Variants in ABCC9 observed in about 807,000 individuals in gnomAD.
The protein encoded by ABCC9 is ATP-binding cassette sub-family C member 9.
ABCC9 carries 95 observed loss-of-function variants against 188.3 expected under a neutral mutation model. That is an observed-to-expected ratio of 0.50 (90% CI 0.43 to 0.60). ABCC9 has a LOEUF of 0.60. ABCC9 is among the 20% of genes least tolerant of loss of function. The pLI is 0.00. For synonymous variants in ABCC9, 659 were observed against 652.7 expected (o/e 1.01, Z -0.15); for missense variants, 1,102 against 1,876.3 (o/e 0.59, Z 7.62).
chr12:21,876,014 T>G (rs967531854), intron 16 of ABCC9, among the ~76,000 whole-genome samples: 2 of 152,106 alleles, frequency 1.3e-5, no homozygotes, highest in Non-Finnish European at 2.9e-5. Flanking sequence ...ATCGCGCCAC[T>G]GCACTCCAGC....
At chr12:21,892,581 A>G (rs1187623896) in intron 14 of ABCC9, among the ~76,000 whole-genome samples, 2 of 152,218 alleles carry the variant, frequency 1.3e-5, no homozygotes, top group African/African-American at 4.8e-5. Flanking sequence ...GCAGAACAAT[A>G]AGAAAATGAG....
intron 20 of ABCC9, among the ~76,000 whole-genome samples, chr12:21,861,848 G>A (rs746108725): frequency 9.2e-5 from 14 of 152,220 alleles, no homozygotes; most frequent in South Asian, 4.1e-4. Context: ...GTGAGTGGGC[G>A]CCCTTCCACA....
At chr12:21,802,664 A>C (rs2137088964) in intron 39 of ABCC9, among the ~76,000 whole-genome samples, 1 of 152,320 alleles carries the variant, frequency 6.6e-6, no homozygotes, top group East Asian at 1.9e-4. Flanking sequence ...AGGGGCTACC[A>C]TACGGAACCT....
chr12:21,845,787 A>G lies in ABCC9; in HGVS notation c.2912T>C (p.Met971Thr). ...CCATGGCATTTTAGTCCTGAGCCTC[A>G]TTACAGTGGACATGTTATCATCCTC... ...EDEDDNMSTV[M>T]RLRTKMPWKT... Residue 971 changes from methionine to threonine, a missense_variant, in exon 26 of 40, where the codon ATG (methionine) becomes ACG (threonine). Transcript: ENST00000261200. 6.2e-7 allele frequency: 1 copy of G among 1,613,850 alleles called. No homozygotes were observed. The highest frequency in any genetic ancestry group is 8.5e-7 in the Non-Finnish European group (1 of 1,179,838).
chr12:21,915,514 A>ATATATATATATTTTTTTTTTTTT, intron 7 of ABCC9, among the ~76,000 whole-genome samples, 154 bp downstream of exon 7: 82 of 3,522 alleles, frequency 0.023, 25 homozygotes, highest in East Asian at 0.042. Flanking sequence ...ATATATATAT[A>ATATATATATATTTTTTTTTTTTT]TTTTTTTTTT....
At chr12:21,895,166 A>T in intron 13 of ABCC9, 109 bp downstream of exon 13, 1 of 925,354 alleles carries the variant, frequency 1.1e-6, no homozygotes, top group East Asian at 2.5e-5. Flanking sequence ...CCATAGAGAG[A>T]AGTCACAGAG....
intron 3 of ABCC9, 112 bp downstream of exon 3, chr12:21,936,421 A>T: frequency 1.1e-6 from 1 of 928,910 alleles, no homozygotes; most frequent in Non-Finnish European, 1.6e-6. Context: ...TTCGTTTCTC[A>T]CAGCCATCAG....
In ABCC9 at chr12:21,861,047, G is replaced by C; in HGVS notation, c.2348C>G (p.Ala783Gly). ...GSPFNKQRYK[A>G]VTDACSLQPD... Reference sequence around the variant, plus strand: ...CTGAAGAGAACAGGCATCTGTGACAGCTTTGTACCTTTGGGAGAAATGATT... The same window carrying C: ...CTGAAGAGAACAGGCATCTGTGACACCTTTGTACCTTTGGGAGAAATGATT... The change falls in exon 21 of 40, where the codon GCT becomes GGT. Residue 783 changes from alanine to glycine, a missense_variant. By Grantham distance (60) the Ala-to-Gly change is moderately conservative. This residue lies in a region of ABCC9 where 258 missense variants were observed against 325.6 expected (regional missense o/e 0.79). Transcript: ENST00000261200. 1 of 1,613,150 alleles carries C rather than the reference G, an allele frequency of 6.2e-7. No homozygotes were observed. The highest frequency in any genetic ancestry group is 1.7e-4 in the Middle Eastern group (1 of 6,056).
At chr12:21,837,266 T>C (rs990785715) in intron 30 of ABCC9, among the ~76,000 whole-genome samples, 1 of 152,198 alleles carries the variant, frequency 6.6e-6, no homozygotes, top group African/African-American at 2.4e-5. Flanking sequence ...TGCTTCATGA[T>C]GCCGCCTACA....
intron 2 of ABCC9, among the ~76,000 whole-genome samples, chr12:21,938,362 A>G (rs1478907975): frequency 6.6e-6 from 1 of 152,132 alleles, no homozygotes; most frequent in Non-Finnish European, 1.5e-5. Flanking sequence ...ACACTGGGTA[A>G]ATTCTAACAA....
At chr12:21,846,747 A>G (rs1427957629) in intron 25 of ABCC9, among the ~76,000 whole-genome samples, 1 of 152,088 alleles carries the variant, frequency 6.6e-6, no homozygotes, top group African/African-American at 2.4e-5. Context: ...AATTCGCATG[A>G]TCAAAGAGGT....
chr12:21,849,213 A>G (rs1231499627), intron 24 of ABCC9, among the ~76,000 whole-genome samples: 1 of 152,138 alleles, frequency 6.6e-6, no homozygotes, highest in Non-Finnish European at 1.5e-5. Context: ...TTTCTGTTAC[A>G]TCAAAAAACC....
chr12:21,844,656 C>G, intron 27 of ABCC9, 104 bp from the exon 28 acceptor site: 1 of 1,559,540 alleles, frequency 6.4e-7, no homozygotes, highest in Non-Finnish European at 8.8e-7. Flanking sequence ...GCTCCCTATT[C>G]ATTTGCTCAA....
At chr12:21,874,913 G>C (rs1194566541) in intron 17 of ABCC9, among the ~76,000 whole-genome samples, 2 of 151,326 alleles carry the variant, frequency 1.3e-5, no homozygotes, top group African/African-American at 4.9e-5. Context: ...AAGGGAAAAT[G>C]GGAAATTGTT....
intron 35 of ABCC9, among the ~76,000 whole-genome samples, chr12:21,813,837 A>C (rs932643374): frequency 2.0e-5 from 3 of 151,836 alleles, no homozygotes; most frequent in African/African-American, 7.3e-5. Flanking sequence ...GTGTAGATTA[A>C]ATTCAATAAT....
chr12:21,862,734 A>G (rs781446489), intron 20 of ABCC9, among the ~76,000 whole-genome samples: 2 of 152,118 alleles, frequency 1.3e-5, no homozygotes, highest in Non-Finnish European at 2.9e-5. Context: ...GTTTTGGTGT[A>G]CAAATTGTTC....
At chr12:21,874,597 C>T (rs1946248796) in intron 17 of ABCC9, among the ~76,000 whole-genome samples, 1 of 152,086 alleles carries the variant, frequency 6.6e-6, no homozygotes, top group Non-Finnish European at 1.5e-5. Flanking sequence ...AGCCAAGATA[C>T]TGAAACAACC....
At chr12:21,920,668 C>G (rs1948777860) in intron 5 of ABCC9, among the ~76,000 whole-genome samples, 1 of 151,848 alleles carries the variant, frequency 6.6e-6, no homozygotes. Flanking sequence ...ATTCATTTTT[C>G]CTAATTTTTG....
chr12:21,914,079 T>C (rs1415813168), intron 7 of ABCC9, among the ~76,000 whole-genome samples: 1 of 152,170 alleles, frequency 6.6e-6, no homozygotes, highest in African/African-American at 2.4e-5. Context: ...TCATTTGTTG[T>C]AACCTTTTCC....
Sources: allele counts gnomAD v4.1 joint callset (sites outside exome capture counted in the v4.1 genomes callset), GRCh38; gene constraint gnomAD v4.1.1; regional missense constraint gnomAD v4.1.1; transcripts MANE v1.5; gene names NCBI Gene and HGNC (gene_info 2026-07-23, HGNC 2026-07-21).